DLC1: variants seen among roughly 807,000 people sequenced by gnomAD.
DLC1 encodes the protein rho GTPase-activating protein 7.
Under a neutral mutation model 140.3 loss-of-function variants are expected in DLC1, and 54 were observed. The ratio of observed to expected loss-of-function variants is 0.38; its 90% CI spans 0.31 to 0.48. DLC1 has a LOEUF of 0.48. Among genes scored for constraint, DLC1 ranks in the 20% least tolerant of loss-of-function variants. DLC1 has a pLI of 0.96. For missense variants in DLC1, 2,536 were observed against 1,907.0 expected, an observed-to-expected ratio of 1.33 and a Z score of -6.14; for synonymous variants, 986 against 728.1, an observed-to-expected ratio of 1.35 and a Z score of -5.70.
rs1802530503 is a variant in DLC1, at chr8:13,514,806, T to G, written c.-330A>C. 1 of 395,630 alleles carries G rather than the reference T, an allele frequency of 2.5e-6. No homozygotes were observed. The highest frequency in any genetic ancestry group is 2.1e-5 in the African/African-American group (1 of 48,564). 24.5% of individuals were successfully genotyped at this position (395,630 alleles called of 1,614,324 possible). ...GGAGGGAGCCTTAGCTAAGGCAGGA[T>G]CCTGTCAAGGCATTCCTAGTGACTT... On this transcript the variant is annotated 5_prime_UTR_variant, in exon 1 of 18. Coordinates refer to ENST00000276297, the MANE Select transcript of DLC1 (RefSeq NM_182643.3).
At chr8:13,527,849 C>T (rs976526725) in intron 1 of DLC1, among the ~76,000 whole-genome samples, 1 of 152,102 alleles carries the variant, frequency 6.6e-6, no homozygotes, top group Non-Finnish European at 1.5e-5. Flanking sequence ...TTAATGGATG[C>T]TCACTAAGCA....
chr8:13,136,737 G>A (rs1259320575), intron 5 of DLC1, among the ~76,000 whole-genome samples: 1 of 152,172 alleles, frequency 6.6e-6, no homozygotes, highest in African/African-American at 2.4e-5. Context: ...GTTTTGCCAT[G>A]TTGCTCAGGC....
At chr8:13,119,703 G>C (rs1820874107) in intron 5 of DLC1, among the ~76,000 whole-genome samples, 1 of 152,108 alleles carries the variant, frequency 6.6e-6, no homozygotes, top group South Asian at 2.1e-4. Flanking sequence ...TGTAACCCCA[G>C]CATTCTGGGA....
chr8:13,460,265 CTA>C (rs1166540412), intron 2 of DLC1, among the ~76,000 whole-genome samples: 1 of 152,186 alleles, frequency 6.6e-6, no homozygotes, highest in African/African-American at 2.4e-5. Context: ...ATTTAAAAGA[CTA>C]TGTTTCTCCT....
In DLC1 at chr8:13,214,748, C is replaced by G. The variant is rs116427044; in HGVS notation, c.1348+90521G>C. ...GATCCCTTTGTGCTCTTATCTTCAT[C>G]CACTTCCAACTTTACTGATTTTACC... is the stretch of plus-strand genomic sequence containing the variant. On this transcript the variant is annotated intron_variant, in intron 5 of 17. Transcript: ENST00000276297. 853 of 780,876 alleles carry G rather than the reference C, an allele frequency of 1.1e-3. 8 individuals carry two copies. The African/African-American group carries it at 0.013, about 12-fold the overall frequency. 48.4% of individuals were successfully genotyped at this position (780,876 alleles called of 1,614,324 possible).
intron 4 of DLC1, among the ~76,000 whole-genome samples, chr8:13,308,861 G>C (rs990243544): frequency 2.6e-5 from 4 of 152,082 alleles, no homozygotes; most frequent in African/African-American, 4.8e-5. Flanking sequence ...TCTCATCCTT[G>C]GTTTCTGAGA....
intron 1 of DLC1, chr8:13,567,795 A>G: frequency 1.3e-6 from 2 of 1,551,878 alleles, no homozygotes; most frequent in Non-Finnish European, 1.7e-6. Flanking sequence ...TGACTGAGAA[A>G]AGTCATATCA....
chr8:13,336,681 C>T (rs1411373280), intron 4 of DLC1, among the ~76,000 whole-genome samples: 1 of 152,072 alleles, frequency 6.6e-6, no homozygotes, highest in Admixed American at 6.6e-5. Context: ...CTTCAACCTC[C>T]CCTTCTTTAT....
At chr8:13,383,182 A>C (rs539889221) in intron 4 of DLC1, among the ~76,000 whole-genome samples, 2 of 152,326 alleles carry the variant, frequency 1.3e-5, no homozygotes, top group African/African-American at 4.8e-5. Flanking sequence ...TGGTGGATCA[A>C]CCCCAGGAAG....
chr8:13,212,414 G>A (rs1311902157), intron 5 of DLC1, among the ~76,000 whole-genome samples: 3 of 152,140 alleles, frequency 2.0e-5, no homozygotes, highest in Non-Finnish European at 2.9e-5. Flanking sequence ...GAGGACAGGG[G>A]TTGCCTCTGC....
At chr8:13,120,356 A>AAAAAAAAAAAATATATATAT in intron 5 of DLC1, among the ~76,000 whole-genome samples, 13 of 61,122 alleles carry the variant, frequency 2.1e-4, no homozygotes, top group African/African-American at 4.2e-4. Flanking sequence ...AAAAAAAAAA[A>AAAAAAAAAAAATATATATAT]ATATATATAT....
At chr8:13,252,866 T>G (rs1563199782) in intron 5 of DLC1, among the ~76,000 whole-genome samples, 1 of 152,132 alleles carries the variant, frequency 6.6e-6, no homozygotes. Context: ...TATAGCCACA[T>G]GTCTATTAAA....
At chr8:13,591,633 T>A (rs987103110) in intron 1 of DLC1, among the ~76,000 whole-genome samples, 4 of 150,474 alleles carry the variant, frequency 2.7e-5, no homozygotes, top group Non-Finnish European at 4.4e-5. Flanking sequence ...ATTAGGAGTG[T>A]TTTTTTTTCT....
chr8:13,230,918 T>C (rs1461975685), intron 5 of DLC1, among the ~76,000 whole-genome samples: 2 of 152,074 alleles, frequency 1.3e-5, no homozygotes, highest in Non-Finnish European at 2.9e-5. Context: ...TTTTGATCGA[T>C]GGGATTTTCA....
chr8:13,114,004 T>C (rs1158171938), intron 6 of DLC1, among the ~76,000 whole-genome samples: 1 of 152,248 alleles, frequency 6.6e-6, no homozygotes, highest in East Asian at 1.9e-4. Flanking sequence ...ATGGAATGCA[T>C]TAGTTCATAG....
chr8:13,453,905 C>T (rs1253313568), intron 2 of DLC1, among the ~76,000 whole-genome samples: 1 of 151,888 alleles, frequency 6.6e-6, no homozygotes, highest in African/African-American at 2.4e-5. Context: ...AACAGAAATG[C>T]CTTCTTCATG....
At chr8:13,102,264 G>T (rs140384378) in intron 8 of DLC1, among the ~76,000 whole-genome samples, 42 of 152,252 alleles carry the variant, frequency 2.8e-4, no homozygotes, top group Non-Finnish European at 5.1e-4. Flanking sequence ...ATCCAGCTCG[G>T]TTGTGTACCA....
At chr8:13,394,275 GT>G (rs1836913108) in intron 3 of DLC1, among the ~76,000 whole-genome samples, 1 of 152,160 alleles carries the variant, frequency 6.6e-6, no homozygotes, top group African/African-American at 2.4e-5. Flanking sequence ...CAATTCCCTT[GT>G]TTGAAAATGG....
chr8:13,169,795 G>T (rs148143273), intron 5 of DLC1, among the ~76,000 whole-genome samples: 12 of 152,152 alleles, frequency 7.9e-5, no homozygotes, highest in East Asian at 7.7e-4. Flanking sequence ...AGGCCAAGGT[G>T]GGGGGGTTGT....
Sources: gnomAD v4.1 joint callset for allele counts (sites outside exome capture counted in the v4.1 genomes callset) on GRCh38, gnomAD v4.1.1 for gene constraint, MANE v1.5 for transcripts, NCBI Gene and HGNC (gene_info 2026-07-23, HGNC 2026-07-21) for gene names.